Variants in WDR7 observed in about 807,000 individuals in gnomAD.
The protein encoded by WDR7 is WD repeat-containing protein 7.
Under a neutral mutation model 169.4 loss-of-function variants are expected in WDR7, and 46 were observed. That is an observed-to-expected ratio of 0.27 (90% confidence interval 0.21 to 0.35). The LOEUF is 0.35. Among genes scored for constraint, WDR7 ranks in the 10% least tolerant of loss-of-function variants. The pLI is 1.00. For synonymous variants in WDR7, 612 were observed against 666.8 expected, an observed-to-expected ratio of 0.92 and a Z score of 1.27; for missense variants, 1,534 against 1,859.3, an observed-to-expected ratio of 0.83 and a Z score of 3.22.
chr18:56,780,868 T>C (rs1471367342), intron 18 of WDR7, among the ~76,000 whole-genome samples: 1 of 152,218 alleles, frequency 6.6e-6, no homozygotes, highest in Non-Finnish European at 1.5e-5. Context: ...GCCTGTGGCA[T>C]TTTTGCCAAA....
chr18:56,757,501 C>A, intron 15 of WDR7, 149 bp downstream of exon 15: 1 of 764,628 alleles, frequency 1.3e-6, no homozygotes, highest in Non-Finnish European at 1.9e-6. Context: ...TTTAAAACAC[C>A]AGTTTCAAAA....
intron 25 of WDR7, among the ~76,000 whole-genome samples, chr18:56,940,043 T>A (rs1231023652): frequency 6.6e-6 from 1 of 152,080 alleles, no homozygotes; most frequent in Non-Finnish European, 1.5e-5. Flanking sequence ...TGTTTTAAGC[T>A]TGGTTCTCAA....
intron 14 of WDR7, among the ~76,000 whole-genome samples, chr18:56,748,866 C>T (rs2043744047): frequency 6.6e-6 from 1 of 152,078 alleles, no homozygotes; most frequent in South Asian, 2.1e-4. Context: ...CAGCAGAGGG[C>T]ACCAAATATC....
At chr18:56,875,756 C>T (rs2046013496) in intron 20 of WDR7, among the ~76,000 whole-genome samples, 1 of 152,170 alleles carries the variant, frequency 6.6e-6, no homozygotes, top group African/African-American at 2.4e-5. Context: ...TCAATGAGGG[C>T]AGGGCTTTAC....
At chr18:56,954,534 A>G (rs143093181) in intron 25 of WDR7, among the ~76,000 whole-genome samples, 2 of 152,140 alleles carry the variant, frequency 1.3e-5, no homozygotes, top group African/African-American at 4.8e-5. Flanking sequence ...ATTCATACCT[A>G]TACAGGTATA....
At chr18:56,755,854 TATTC>T (rs911590444) in intron 14 of WDR7, among the ~76,000 whole-genome samples, 4 of 152,204 alleles carry the variant, frequency 2.6e-5, no homozygotes, top group African/African-American at 9.6e-5. Flanking sequence ...GGTGGCTTCT[TATTC>T]TTTCTTTTAG....
chr18:56,670,489 C>CT (rs2025110020), intron 1 of WDR7, among the ~76,000 whole-genome samples: 1 of 151,986 alleles, frequency 6.6e-6, no homozygotes, highest in African/African-American at 2.4e-5. Flanking sequence ...TGAGAGAAAT[C>CT]TTTGGTGATA....
At chr18:56,869,005 G>C (rs2045919510) in intron 20 of WDR7, among the ~76,000 whole-genome samples, 1 of 152,124 alleles carries the variant, frequency 6.6e-6, no homozygotes, top group African/African-American at 2.4e-5. Flanking sequence ...AGAATAAAGG[G>C]AAATATAAGA....
rs150915878 is a variant in WDR7 at position 56,834,397 on chromosome 18, C to T, written c.3304+18253C>T. 2.6e-3 allele frequency among the ~76,000 whole-genome samples: 402 copies of T among 152,260 alleles called. 3 individuals are homozygous for T. Among genetic ancestry groups the T allele is most frequent in the Non-Finnish European group, 5.1e-3 (345 of 68,000 alleles). The stretch of plus-strand genomic sequence containing the variant: ...TGGGGGTTGGTTACCTTAGAATAGT[C>T]TCCCTACATACACACCTATCCAGTT... On this transcript the variant is annotated intron_variant, in intron 20 of 27. Transcript: ENST00000254442.
intron 26 of WDR7, chr18:57,010,166 T>C (rs1310787415): frequency 1.0e-6 from 1 of 985,364 alleles, no homozygotes; most frequent in African/African-American, 1.7e-5. Flanking sequence ...ATAAGACTTC[T>C]AGCATGTGTT....
intron 27 of WDR7, among the ~76,000 whole-genome samples, chr18:57,026,225 A>G (rs1035523407): frequency 6.6e-5 from 10 of 152,246 alleles, no homozygotes; most frequent in Non-Finnish European, 1.3e-4. Context: ...CATAATTTCC[A>G]TGTTGTTTTT....
intron 6 of WDR7, among the ~76,000 whole-genome samples, chr18:56,686,444 A>C (rs1391895357): frequency 6.6e-6 from 1 of 152,082 alleles, no homozygotes; most frequent in Non-Finnish European, 1.5e-5. Context: ...TTTTTTTATC[A>C]ATGAGAAAGA....
intron 13 of WDR7, among the ~76,000 whole-genome samples, chr18:56,719,286 G>A (rs567290479): frequency 6.6e-6 from 1 of 151,928 alleles, no homozygotes; most frequent in Non-Finnish European, 1.5e-5. Context: ...ATTGCTGGCC[G>A]GGCGCGGTGG....
chr18:56,943,324 C>T lies in WDR7; in HGVS notation c.4064+3931C>T, dbSNP rs144955833. ...GATATGTGATGTTTGTTTTTAAAAT[C>T]TTTATATAGTTTTGTATTCTTTTTT... On this transcript the variant is annotated intron_variant, in intron 25 of 27. Transcript: ENST00000254442. Among the ~76,000 whole-genome samples, 860 of 151,746 alleles carry T rather than the reference C, an allele frequency of 5.7e-3. 8 individuals are homozygous for T. Among genetic ancestry groups the T allele is most frequent in the African/African-American group, 0.02 (816 of 41,354 alleles).
At chr18:56,805,967 C>G (rs1416323817) in intron 19 of WDR7, among the ~76,000 whole-genome samples, 1 of 152,172 alleles carries the variant, frequency 6.6e-6, no homozygotes, top group African/African-American at 2.4e-5. Context: ...TTTTAGCATA[C>G]CCTTTCTTCC....
At position 56,980,879 on chromosome 18, in the gene WDR7, C is replaced by T. The variant is rs145200324; in HGVS notation, c.4164+18350C>T. Among the ~76,000 whole-genome samples, 417 of 152,272 alleles carry T rather than the reference C, an allele frequency of 2.7e-3. 2 individuals carry two copies. Among genetic ancestry groups the T allele is most frequent in the African/African-American group, 9.5e-3 (393 of 41,554 alleles). On this transcript the variant is annotated intron_variant, in intron 26 of 27. Coordinates refer to ENST00000254442, the MANE Select transcript of WDR7 (RefSeq NM_015285.3). ...GGGCCACAGCCAGCTCACCAGAGGC[C>T]CTCGCCAGTCAGGATGAGGAATTTT...
rs368191470 is a variant in WDR7 at position 56,743,989 on chromosome 18, C to T, written c.1989+12392C>T. The stretch of plus-strand genomic sequence containing the variant: ...GGCTGGGGCCGGGCGCGGTGGCTCA[C>T]GCCTGTAATCCCAGCACTTTGGGAG... On this transcript the variant is annotated intron_variant, in intron 14 of 27. Transcript: ENST00000254442. Among the ~76,000 whole-genome samples, 69 of 152,036 alleles carry T rather than the reference C, an allele frequency of 4.5e-4. No individual in the cohort carries two copies. The East Asian group carries it at 5.9e-3, about 13-fold the overall frequency.
At chr18:56,984,241 C>T (rs1045885552) in intron 26 of WDR7, among the ~76,000 whole-genome samples, 3 of 152,134 alleles carry the variant, frequency 2.0e-5, no homozygotes, top group Non-Finnish European at 4.4e-5. Context: ...TCACCTTTCT[C>T]TTGAGAAATA....
chr18:56,868,376 T>C (rs2045910357), intron 20 of WDR7, among the ~76,000 whole-genome samples: 1 of 152,168 alleles, frequency 6.6e-6, no homozygotes, highest in Admixed American at 6.5e-5. Context: ...TTTATATCAC[T>C]GAGTTGGTAA....
Sources: allele counts gnomAD v4.1 joint callset (sites outside exome capture counted in the v4.1 genomes callset), GRCh38; gene constraint gnomAD v4.1.1; transcripts MANE v1.5; gene names NCBI Gene and HGNC (gene_info 2026-07-23, HGNC 2026-07-21).